PRKCE: variants seen among roughly 807,000 people sequenced by gnomAD.
The protein encoded by PRKCE is protein kinase C epsilon type.
Under a neutral mutation model 85.4 loss-of-function variants are expected in PRKCE, and 16 were observed. The observed-to-expected ratio is 0.19, with a 90% CI of 0.13 to 0.28. The LOEUF (loss-of-function observed/expected upper bound fraction) is 0.28, where lower values mean the gene tolerates loss of function less well. Ranked by LOEUF, PRKCE falls within the 10% of genes least tolerant of loss-of-function variation. The probability of loss-of-function intolerance (pLI) is 1.00; values close to 1 mark genes in which losing one functional copy is unlikely to be tolerated. For missense variants in PRKCE, 573 were observed against 975.2 expected (o/e 0.59, Z 5.49); for synonymous variants, 388 against 371.5 (o/e 1.04, Z -0.51).
At chr2:46,109,751 G>A (rs1558464821) in intron 11 of PRKCE, among the ~76,000 whole-genome samples, 1 of 151,980 alleles carries the variant, frequency 6.6e-6, no homozygotes, top group African/African-American at 2.4e-5. Flanking sequence ...AATAGGAATG[G>A]GGGGAGAGGA....
At chr2:45,888,199 C>T (rs1415769740) in intron 2 of PRKCE, among the ~76,000 whole-genome samples, 3 of 152,190 alleles carry the variant, frequency 2.0e-5, no homozygotes, top group Non-Finnish European at 4.4e-5. Context: ...TGGGTTTGTC[C>T]TCTAGCTCCT....
intron 1 of PRKCE, among the ~76,000 whole-genome samples, chr2:45,715,896 C>T (rs1680045225): frequency 2.0e-5 from 3 of 152,164 alleles, no homozygotes; most frequent in Admixed American, 2.0e-4. Flanking sequence ...CTTTTCTGCA[C>T]TCCCCCCATG....
intron 10 of PRKCE, among the ~76,000 whole-genome samples, chr2:46,046,167 C>G (rs962370444): frequency 6.6e-6 from 1 of 152,252 alleles, no homozygotes. Context: ...GGTGGCAGTA[C>G]TGGATGAGAA....
intron 1 of PRKCE, among the ~76,000 whole-genome samples, chr2:45,780,599 C>G (rs912423276): frequency 6.6e-6 from 1 of 152,184 alleles, no homozygotes; most frequent in Admixed American, 6.5e-5. Context: ...ACTTGTCTTT[C>G]GAGGCACATG....
chr2:46,157,316 C>T (rs79228825), intron 13 of PRKCE, among the ~76,000 whole-genome samples: 7,092 of 152,282 alleles, frequency 0.047, 192 homozygotes, highest in Middle Eastern at 0.14. Flanking sequence ...TCACACCTCC[C>T]TGTGAGTCCC....
chr2:45,804,764 C>G (rs1393995667), intron 1 of PRKCE, among the ~76,000 whole-genome samples: 2 of 152,188 alleles, frequency 1.3e-5, no homozygotes, highest in Non-Finnish European at 2.9e-5. Context: ...CTTAACATTA[C>G]TGGCAGTCGG....
rs370005929 is a variant in PRKCE at position 45,653,534 on chromosome 2, GA to G, written c.348+1087del. Among the ~76,000 whole-genome samples, 230 of 152,214 alleles carry G rather than the reference GA, an allele frequency of 1.5e-3. 1 individual carries two copies. The highest frequency in any genetic ancestry group is 4.9e-3 in the African/African-American group (202 of 41,540). ...TCTTTGGTCTACACAAAAAGTGAGA[GA>G]GCTATCTAAGCCTCAAAAGTGGTGT... On this transcript the variant is annotated intron_variant, in intron 1 of 14. Transcript: ENST00000306156.
chr2:45,698,955 A>G lies in PRKCE; in HGVS notation c.348+46507A>G, dbSNP rs1678383802. ...AGTAGGTTAAAATTTATGTATTGCC[A>G]AGGAGTGGTAAGAGATTACATCTTG... On this transcript the variant is annotated intron_variant, in intron 1 of 14. Coordinates refer to ENST00000306156, the MANE Select transcript of PRKCE (RefSeq NM_005400.3). Among the ~76,000 whole-genome samples the G allele has an allele frequency of 2.0e-5, 3 of 152,322 alleles. No homozygotes were observed. In the South Asian group the frequency reaches 6.2e-4, roughly 32 times the overall value.
chr2:45,978,872 C>T, intron 3 of PRKCE, 104 bp from the exon 4 acceptor site: 1 of 890,438 alleles, frequency 1.1e-6, no homozygotes, highest in Non-Finnish European at 1.8e-6. Context: ...ACTTCATGTA[C>T]TTGGTGCTAT....
intron 14 of PRKCE, among the ~76,000 whole-genome samples, chr2:46,172,749 C>G (rs1341734301): frequency 2.0e-5 from 3 of 152,222 alleles, no homozygotes; most frequent in South Asian, 4.1e-4. Context: ...TGTATAGTCA[C>G]TAAGTCCAGA....
chr2:46,139,917 GA>G lies in PRKCE; in HGVS notation c.1593-5173del, dbSNP rs1675346937. On this transcript the variant is annotated intron_variant, in intron 11 of 14. Coordinates refer to ENST00000306156, the MANE Select transcript of PRKCE (RefSeq NM_005400.3). This position sits in a 1 kb window ranked among gnomAD's most constrained non-coding sequence, Gnocchi z 5.2. ...AGCTATGTGCCTGGCTTAAAAAATA[GA>G]AAGTAAATGTTCTCTTACAAAGGAA... Among the ~76,000 whole-genome samples, 1 of 152,062 alleles carries G rather than the reference GA, an allele frequency of 6.6e-6. No individual in the cohort carries two copies. Among genetic ancestry groups the G allele is most frequent in the Non-Finnish European group, 1.5e-5 (1 of 68,022 alleles).
chr2:45,813,157 G>A (rs1172900320), intron 1 of PRKCE, among the ~76,000 whole-genome samples: 2 of 152,194 alleles, frequency 1.3e-5, no homozygotes, highest in African/African-American at 4.8e-5. Context: ...ATCTCATCCA[G>A]TGCGCTAATC....
intron 5 of PRKCE, among the ~76,000 whole-genome samples, chr2:45,981,187 T>C (rs1574103965): frequency 3.3e-5 from 5 of 152,344 alleles, no homozygotes; most frequent in South Asian, 4.1e-4. Flanking sequence ...GTCCCACTGA[T>C]AGATTAAAAA....
intron 2 of PRKCE, among the ~76,000 whole-genome samples, chr2:45,880,541 T>G (rs1399824744): frequency 6.6e-6 from 1 of 151,508 alleles, no homozygotes; most frequent in African/African-American, 2.4e-5. Flanking sequence ...TATTTTTTTC[T>G]GCTTGGCATT....
At chr2:45,880,881 C>T (rs1353979644) in intron 2 of PRKCE, among the ~76,000 whole-genome samples, 6 of 152,096 alleles carry the variant, frequency 3.9e-5, no homozygotes, top group African/African-American at 7.2e-5. Context: ...AGGCCGGGCG[C>T]GGTGGCTCAC....
At position 45,884,980 on chromosome 2, in the gene PRKCE, TATATATATATATATA is replaced by T. The variant is rs1196318840; in HGVS notation, c.412+41918_412+41932del. On this transcript the variant is annotated intron_variant, in intron 2 of 14. Coordinates refer to ENST00000306156, the MANE Select transcript of PRKCE (RefSeq NM_005400.3). ...ATATATATATATATATATATATATA[TATATATATATATATA>T]TATATATTTGTTGTTGTTGTTGTTG... Among the ~76,000 whole-genome samples, 30 of 66,510 alleles carry T rather than the reference TATATATATATATATA, an allele frequency of 4.5e-4. 1 individual carries two copies. The highest frequency in any genetic ancestry group is 2.7e-3 in the East Asian group (1 of 368). 43.6% of individuals were successfully genotyped at this position (66,510 alleles called of 152,430 possible).
chr2:46,098,183 A>G (rs1185955284), intron 11 of PRKCE, among the ~76,000 whole-genome samples: 1 of 152,168 alleles, frequency 6.6e-6, no homozygotes, highest in Non-Finnish European at 1.5e-5. Flanking sequence ...CTGAGAACCC[A>G]TTATAGTGGT....
chr2:46,048,512 G>C (rs1033315662), intron 10 of PRKCE, among the ~76,000 whole-genome samples: 5 of 152,200 alleles, frequency 3.3e-5, no homozygotes, highest in African/African-American at 1.2e-4. Flanking sequence ...CTACCGAGCA[G>C]ATGACTTTCT....
chr2:45,723,500 C>G lies in PRKCE; in HGVS notation c.348+71052C>G, dbSNP rs7563877. Among the ~76,000 whole-genome samples, 882 of 152,316 alleles carry G rather than the reference C, an allele frequency of 5.8e-3. 12 individuals are homozygous for G. The highest frequency in any genetic ancestry group is 0.02 in the African/African-American group (834 of 41,572). On this transcript the variant is annotated intron_variant, in intron 1 of 14. Transcript: ENST00000306156. ...GGACGGTGTTGCCCTTTTTTCTAAC[C>G]TGTTTGCCCTGCTAATAGTCACGAT...
Sources: gnomAD v4.1 joint callset for allele counts (sites outside exome capture counted in the v4.1 genomes callset) on GRCh38, gnomAD v4.1.1 for gene constraint, Gnocchi (gnomAD v3.1) non-coding constraint, MANE v1.5 for transcripts, NCBI Gene and HGNC (gene_info 2026-07-23, HGNC 2026-07-21) for gene names.